ATXN2: variants seen among roughly 807,000 people sequenced by gnomAD.
ATXN2 encodes the protein ataxin-2.
In ATXN2, 37 loss-of-function variants were observed where a neutral mutation model predicts 138.6. That is an observed-to-expected ratio of 0.27 (90% CI 0.21 to 0.35). The LOEUF (loss-of-function observed/expected upper bound fraction) is 0.35. Among genes scored for constraint, ATXN2 ranks in the 10% least tolerant of loss-of-function variants. The probability of loss-of-function intolerance (pLI) is 1.00; values close to 1 mark genes in which losing one functional copy is unlikely to be tolerated. For synonymous variants in ATXN2, 549 were observed against 543.7 expected, an observed-to-expected ratio of 1.01 and a Z score of -0.13; for missense variants, 1,216 against 1,480.3, an observed-to-expected ratio of 0.82 and a Z score of 2.93.
At chr12:111,534,017 A>G (rs1336945548) in intron 5 of ATXN2, among the ~76,000 whole-genome samples, 1 of 151,954 alleles carries the variant, frequency 6.6e-6, no homozygotes, top group Non-Finnish European at 1.5e-5. Flanking sequence ...AGAAAAAAAA[A>G]CAGTTATTCC....
At chr12:111,574,683 A>G (rs1239798708) in intron 1 of ATXN2, among the ~76,000 whole-genome samples, 1 of 152,078 alleles carries the variant, frequency 6.6e-6, no homozygotes, top group East Asian at 1.9e-4. Context: ...TTGGCTTCCC[A>G]AAGTGCTAGA....
intron 14 of ATXN2, among the ~76,000 whole-genome samples, chr12:111,504,962 T>A (rs1879012010): frequency 6.6e-6 from 1 of 152,138 alleles, no homozygotes; most frequent in Admixed American, 6.5e-5. Context: ...CAGTGCAAGG[T>A]GAAAGCAATT....
At chr12:111,570,904 A>G (rs1398077539) in intron 1 of ATXN2, among the ~76,000 whole-genome samples, 2 of 152,238 alleles carry the variant, frequency 1.3e-5, no homozygotes, top group African/African-American at 4.8e-5. Context: ...AGCCATTCAT[A>G]CTGTACTACC....
chr12:111,476,579 C>A (rs948649299), intron 18 of ATXN2, among the ~76,000 whole-genome samples: 1 of 151,972 alleles, frequency 6.6e-6, no homozygotes, highest in African/African-American at 2.4e-5. Context: ...GGTCAATATT[C>A]AAAAATCAAG....
intron 1 of ATXN2, among the ~76,000 whole-genome samples, chr12:111,560,210 T>C (rs1306592646): frequency 6.6e-6 from 1 of 152,058 alleles, no homozygotes; most frequent in Non-Finnish European, 1.5e-5. Flanking sequence ...TCACTCGAGA[T>C]TAAAAACACT....
rs1254610736 is a variant in ATXN2, at chr12:111,486,752, T to TA, written c.2304+8dup. The TA allele has an allele frequency of 6.2e-7, 1 of 1,604,818 alleles. No individual in the cohort carries two copies. The highest frequency in any genetic ancestry group is 8.5e-7 in the Non-Finnish European group (1 of 1,172,668). On this transcript the variant is annotated intron_variant, in intron 16 of 24. Transcript: ENST00000673436. ...GACTAGATAACCTCAAAGAAAGTAA[T>TA]AAACCTACCTGAGAGAAGGAACGTG...
At position 111,457,318 on chromosome 12, in the gene ATXN2, C is replaced by T. The variant is rs149109789; in HGVS notation, c.2938G>A (p.Ala980Thr). The change falls in exon 22 of 25, where the codon GCT (alanine) becomes ACT (threonine). Residue 980 changes from alanine to threonine, a missense_variant. Physicochemically the swap from Ala to Thr is moderately conservative, Grantham distance 58. Around this residue, in one of 4 missense-constraint regions of ATXN2, gnomAD observed 490 missense variants for 653.5 expected, o/e 0.75. Coordinates refer to ENST00000673436, the MANE Select transcript of ATXN2 (RefSeq NM_001372574.1). ...SLAQQYAHPN[A>T]TLHPHTPHPQ... Reference sequence around the variant, plus strand: ...TGTGGAGTATGTGGGTGCAGGGTAGCGTTAGGGTGCGCATACTGCTGAGCA... The same window carrying T: ...TGTGGAGTATGTGGGTGCAGGGTAGTGTTAGGGTGCGCATACTGCTGAGCA... The T allele has an allele frequency of 1.7e-4, 276 of 1,613,722 alleles. No individual in the cohort carries two copies. Among genetic ancestry groups the T allele is most frequent in the Non-Finnish European group, 2.3e-4 (270 of 1,179,922 alleles).
At position 111,453,867 on chromosome 12, in the gene ATXN2, C is replaced by T. The variant is rs754553496; in HGVS notation, c.3271-22G>A. ...GAGCCTGAAACAGAGAGCTCTTTTA[C>T]GCATACAGGCAACATCTCCGGCTTC... On this transcript the variant is annotated intron_variant, in intron 23 of 24. Transcript: ENST00000673436. The surrounding 1 kb of genome is among the most constrained non-coding windows in gnomAD (Gnocchi z 5.4). 8.8e-6 allele frequency: 14 copies of T among 1,586,834 alleles called. No individual in the cohort carries two copies. In the Admixed American group the frequency reaches 1.0e-4, roughly 12 times the overall value.
At chr12:111,469,208 C>T (rs1156440448) in intron 20 of ATXN2, 1 of 152,192 alleles carries the variant, frequency 6.6e-6, no homozygotes, top group African/African-American at 2.4e-5. Context: ...ATCCCCTACT[C>T]CAAACAACCA....
intron 1 of ATXN2, among the ~76,000 whole-genome samples, chr12:111,560,566 G>A (rs1882625912): frequency 6.6e-6 from 1 of 152,120 alleles, no homozygotes; most frequent in Non-Finnish European, 1.5e-5. Context: ...GCATACCCAA[G>A]GCTGCATCCC....
At position 111,587,670 on chromosome 12, in the gene ATXN2, T is replaced by TA. The variant is rs749897321; in HGVS notation, c.251+11113_251+11114insT. 1.4e-3 allele frequency among the ~76,000 whole-genome samples: 206 copies of TA among 151,036 alleles called. No homozygotes were observed. The Middle Eastern group carries it at 0.014, about 10-fold the overall frequency. The stretch of plus-strand genomic sequence containing the variant: ...GACTCAGTCTCAAAAAAAAGGAAAT[T>TA]TAAAAAAAAACTGATCATTGGCAAC... On this transcript the variant is annotated intron_variant, in intron 1 of 24. Coordinates refer to ENST00000673436, the MANE Select transcript of ATXN2 (RefSeq NM_001372574.1).
intron 1 of ATXN2, among the ~76,000 whole-genome samples, chr12:111,589,011 A>C (rs1445301269): frequency 6.8e-6 from 1 of 147,466 alleles, no homozygotes; most frequent in Admixed American, 6.9e-5. Flanking sequence ...AAAAAAAAAA[A>C]AAAAAAAAAA....
rs372364208 is a variant in ATXN2, at chr12:111,581,947, TA to T, written c.251+16836del. Among the ~76,000 whole-genome samples the T allele has an allele frequency of 3.8e-3, 518 of 136,742 alleles. 1 individual carries two copies. The highest frequency in any genetic ancestry group is 4.5e-3 in the Admixed American group (61 of 13,530). The allele number at this position is 136,742 out of a possible 152,430, so 89.7% of individuals were successfully genotyped here. On this transcript the variant is annotated intron_variant, in intron 1 of 24. Transcript: ENST00000673436. Reference sequence around the variant, plus strand: ...CAATAAACTGCACGTGTTTCTGGTTTAAAAAAAAAAAAAAAACACCAGAGCC... The same window carrying T: ...CAATAAACTGCACGTGTTTCTGGTTTAAAAAAAAAAAAAAACACCAGAGCC...
In ATXN2 at chr12:111,485,869, C is replaced by T. The variant is rs760686060; in HGVS notation, c.2305-4G>A. 17 of 1,612,438 alleles carry T rather than the reference C, an allele frequency of 1.1e-5. No homozygotes were observed. The Middle Eastern group carries it at 9.9e-4, about 94-fold the overall frequency. On this transcript the variant is annotated splice_region_variant and splice_polypyrimidine_tract_variant and intron_variant, in intron 16 of 24. Transcript: ENST00000673436. ...TTGGGGTAGTAGAAGGCTTTGGCTACAAAAACAACAATAAATTCAATTATC... is the reference window on the plus strand; with the variant it reads ...TTGGGGTAGTAGAAGGCTTTGGCTATAAAAACAACAATAAATTCAATTATC...
intron 18 of ATXN2, chr12:111,471,187 A>G (rs1204759938): frequency 5.4e-6 from 1 of 185,154 alleles, no homozygotes; most frequent in East Asian, 1.2e-4. Context: ...CTTAATTTCC[A>G]ACCACTGAAT....
At chr12:111,524,272 A>G (rs1044002658) in intron 6 of ATXN2, among the ~76,000 whole-genome samples, 4 of 152,218 alleles carry the variant, frequency 2.6e-5, no homozygotes, top group African/African-American at 9.6e-5. Context: ...TGTCTGAGGA[A>G]GAGTGTCATT....
At chr12:111,494,032 G>C (rs1193562919) in intron 14 of ATXN2, among the ~76,000 whole-genome samples, 1 of 152,032 alleles carries the variant, frequency 6.6e-6, no homozygotes, top group South Asian at 2.1e-4. Flanking sequence ...CTGGGTTCAA[G>C]TGATTCTCCT....
upstream of ATXN2, chr12:111,599,619 C>A (rs183529795): frequency 4.3e-5 from 46 of 1,074,748 alleles, no homozygotes; most frequent in African/African-American, 7.0e-4. Context: ...GAGGTGGCCC[C>A]GGGGCCGGGA....
intron 5 of ATXN2, among the ~76,000 whole-genome samples, chr12:111,541,028 C>T (rs1453378854): frequency 6.7e-6 from 1 of 150,018 alleles, no homozygotes; most frequent in Non-Finnish European, 1.5e-5. Context: ...TCAAAGGTAT[C>T]GATCTTTTAC....
Sources: allele counts gnomAD v4.1 joint callset (sites outside exome capture counted in the v4.1 genomes callset), GRCh38; gene constraint gnomAD v4.1.1; regional missense constraint gnomAD v4.1.1; non-coding constraint Gnocchi (gnomAD v3.1); transcripts MANE v1.5; gene names NCBI Gene and HGNC (gene_info 2026-07-23, HGNC 2026-07-21).